The following SYT9 variants were observed in gnomAD, a reference collection of about 807,000 sequenced individuals.
SYT9 encodes the protein synaptotagmin 9.
In SYT9, 22 loss-of-function variants were observed where a neutral mutation model predicts 48.4. The ratio of observed to expected loss-of-function variants is 0.45; its 90% confidence interval spans 0.32 to 0.65. SYT9 has a LOEUF of 0.65. Among genes scored for constraint, SYT9 ranks in the 30% least tolerant of loss-of-function variants. SYT9 has a pLI of 0.03. For missense variants in SYT9, 577 were observed against 622.0 expected, an observed-to-expected ratio of 0.93 and a Z score of 0.77; for synonymous variants, 265 against 245.0, an observed-to-expected ratio of 1.08 and a Z score of -0.76.
intron 3 of SYT9, among the ~76,000 whole-genome samples, chr11:7,315,121 C>T (rs936593328): frequency 2.0e-5 from 3 of 152,122 alleles, no homozygotes; most frequent in Non-Finnish European, 4.4e-5. Flanking sequence ...TGGCCTTTAT[C>T]ATAATCATGA....
At chr11:7,347,939 G>A (rs1047381945) in intron 3 of SYT9, among the ~76,000 whole-genome samples, 23 of 152,202 alleles carry the variant, frequency 1.5e-4, no homozygotes, top group African/African-American at 5.5e-4. Context: ...AGAGCAGGAA[G>A]CAATTCCGTG....
intron 6 of SYT9, among the ~76,000 whole-genome samples, chr11:7,426,141 C>G (rs1847453134): frequency 6.6e-6 from 1 of 152,096 alleles, no homozygotes; most frequent in Admixed American, 6.6e-5. Context: ...TCTCCTCTCT[C>G]CTTCCTTCCT....
intron 3 of SYT9, among the ~76,000 whole-genome samples, chr11:7,324,695 G>C (rs1245082474): frequency 6.6e-6 from 1 of 151,680 alleles, no homozygotes; most frequent in Non-Finnish European, 1.5e-5. Context: ...ATATTGCATA[G>C]TTTTTTTAAG....
intron 3 of SYT9, among the ~76,000 whole-genome samples, chr11:7,348,688 C>CTTTTTTTCTTTTTTTTTTTT (rs1849848341): frequency 2.1e-5 from 1 of 47,098 alleles, no homozygotes; most frequent in Non-Finnish European, 3.9e-5. Flanking sequence ...ATCAGACCTC[C>CTTTTTTTCTTTTTTTTTTTT]TTTTTTTTTT....
intron 3 of SYT9, among the ~76,000 whole-genome samples, chr11:7,407,871 G>A (rs371640141): frequency 6.6e-6 from 1 of 152,092 alleles, no homozygotes. Flanking sequence ...TATCTATCCT[G>A]TTCCATTTGC....
chr11:7,245,192 G>A (rs1448404924), intron 1 of SYT9, among the ~76,000 whole-genome samples: 2 of 152,176 alleles, frequency 1.3e-5, no homozygotes, highest in African/African-American at 4.8e-5. Context: ...CCATGGAGAA[G>A]TTACTAAACT....
At chr11:7,465,176 A>G (rs1186285614) in intron 6 of SYT9, among the ~76,000 whole-genome samples, 1 of 152,122 alleles carries the variant, frequency 6.6e-6, no homozygotes, top group Non-Finnish European at 1.5e-5. Context: ...ATTAAGACAA[A>G]TATCATTCAG....
At chr11:7,409,553 T>G (rs1483410244) in intron 3 of SYT9, among the ~76,000 whole-genome samples, 1 of 152,170 alleles carries the variant, frequency 6.6e-6, no homozygotes, top group African/African-American at 2.4e-5. Context: ...TTGCTACTCG[T>G]TATTGGTCTG....
At chr11:7,342,430 G>C (rs1453451518) in intron 3 of SYT9, among the ~76,000 whole-genome samples, 2 of 152,150 alleles carry the variant, frequency 1.3e-5, no homozygotes, top group South Asian at 2.1e-4. Flanking sequence ...AGGGGCTAAA[G>C]ACCCCATGGG....
chr11:7,351,155 A>G (rs1269795486), intron 3 of SYT9, among the ~76,000 whole-genome samples: 2 of 152,172 alleles, frequency 1.3e-5, no homozygotes, highest in Non-Finnish European at 2.9e-5. Context: ...AGTGGTATAT[A>G]TTGCCTGTTT....
At chr11:7,251,133 C>CACACACACACACACACA (rs1589885491), upstream of SYT9, among the ~76,000 whole-genome samples, 1 of 132,198 alleles carries the variant, frequency 7.6e-6, no homozygotes, top group Non-Finnish European at 1.5e-5. Context: ...CACACACACA[C>CACACACACACACACACA]CCAGAGTACT....
upstream of SYT9, among the ~76,000 whole-genome samples, chr11:7,251,149 G>A (rs1847860802): frequency 6.8e-6 from 1 of 147,362 alleles, no homozygotes; most frequent in African/African-American, 2.5e-5. Context: ...GTACTTCGTG[G>A]TTATTTCTAG....
intron 3 of SYT9, among the ~76,000 whole-genome samples, chr11:7,331,971 T>G (rs1177216330): frequency 2.6e-5 from 4 of 152,324 alleles, no homozygotes; most frequent in Admixed American, 1.3e-4. Context: ...AAAATTATTT[T>G]TGAGTGCACA....
At chr11:7,411,971 TTAATC>T (rs1281636463) in intron 3 of SYT9, among the ~76,000 whole-genome samples, 10 of 152,224 alleles carry the variant, frequency 6.6e-5, no homozygotes, top group African/African-American at 2.4e-4. Context: ...TTTCTTCTGC[TTAATC>T]TAATCTATTG....
At chr11:7,246,271 AG>A (rs1338747529) in intron 1 of SYT9, among the ~76,000 whole-genome samples, 1 of 152,170 alleles carries the variant, frequency 6.6e-6, no homozygotes, top group African/African-American at 2.4e-5. Flanking sequence ...TGCTGTAAAA[AG>A]TTCACTTTCT....
intron 1 of SYT9, 54 bp from the exon 2 acceptor site, chr11:7,302,985 G>C: frequency 6.6e-7 from 1 of 1,517,234 alleles, no homozygotes; most frequent in Middle Eastern, 1.7e-4. Flanking sequence ...GCTGTGCAAT[G>C]GGTGGGCTTG....
At chr11:7,288,679 C>G (rs532229097) in intron 1 of SYT9, among the ~76,000 whole-genome samples, 52 of 151,044 alleles carry the variant, frequency 3.4e-4, no homozygotes, top group Non-Finnish European at 5.6e-4. Context: ...TGTCCTCCTT[C>G]TCATTTATAC....
At chr11:7,309,161 T>C (rs1335604537) in intron 2 of SYT9, among the ~76,000 whole-genome samples, 2 of 152,224 alleles carry the variant, frequency 1.3e-5, no homozygotes, top group Admixed American at 6.5e-5. Flanking sequence ...TTATTTTCTC[T>C]TTGTTGTTTC....
chr11:7,313,317 T>G, intron 2 of SYT9, 78 bp from the exon 3 acceptor site: 1 of 1,447,328 alleles, frequency 6.9e-7, no homozygotes, highest in Non-Finnish European at 9.3e-7. Context: ...ACAGTCTACC[T>G]ACATCCCAGG....
Sources: gnomAD v4.1 joint callset for allele counts (sites outside exome capture counted in the v4.1 genomes callset) on GRCh38, gnomAD v4.1.1 for gene constraint, MANE v1.5 for transcripts, NCBI Gene and HGNC (gene_info 2026-07-23, HGNC 2026-07-21) for gene names.